The following ZNF782 variants were observed in gnomAD, a reference collection of about 807,000 sequenced individuals.
The protein encoded by ZNF782 is zinc finger protein 782.
A neutral mutation model predicts 13.0 loss-of-function variants in ZNF782; 12 were observed. The ratio of observed to expected loss-of-function variants is 0.92; its 90% CI spans 0.59 to 1.50. The LOEUF (loss-of-function observed/expected upper bound fraction) is 1.50. Among genes scored for constraint, ZNF782 ranks in the 40% most tolerant of loss-of-function variants. ZNF782 has a pLI of 0.00. For missense variants in ZNF782, 770 were observed against 822.9 expected, an observed-to-expected ratio of 0.94 and a Z score of 0.79; for synonymous variants, 284 against 283.0, an observed-to-expected ratio of 1.00 and a Z score of -0.04.
chr9:96,883,543 T>C, the ZNF782 span, among the ~76,000 whole-genome samples: 2 of 151,980 alleles, frequency 1.3e-5, no homozygotes, highest in East Asian at 3.9e-4. Context: ...CGGAGGAGAA[T>C]AAAGGCAGAA....
the ZNF782 span, among the ~76,000 whole-genome samples, chr9:96,930,333 G>A: frequency 6.6e-6 from 1 of 152,168 alleles, no homozygotes; most frequent in African/African-American, 2.4e-5. Flanking sequence ...AGACCAGCCT[G>A]ACCAATATGG....
Position 96,819,751 on chromosome 9 carries a change from T to G in ZNF782, c.272A>C (p.Glu91Ala). ...PEDSQPDEIS[E>A]KSPENQGKHL... ...TTTGCCTTGATTTTCTGGGCTCTTC[T>G]CTGAGATTTCATCAGGTTGGGAGTC... Residue 91 changes from glutamate to alanine, a missense_variant, in exon 6 of 6, where the codon GAG (glutamate) becomes GCG (alanine). Physicochemically the swap from Glu to Ala is moderately radical, Grantham distance 107 (BLOSUM62 -1). Coordinates refer to ENST00000481138, the MANE Select transcript of ZNF782 (RefSeq NM_001001662.3). 1 of 1,606,082 alleles carries G rather than the reference T, an allele frequency of 6.2e-7. No individual in the cohort carries two copies.
chr9:96,830,760 G>A (rs985134995), intron 4 of ZNF782, among the ~76,000 whole-genome samples: 2 of 152,128 alleles, frequency 1.3e-5, no homozygotes, highest in African/African-American at 4.8e-5. Context: ...CCAACACTGA[G>A]ATGGCATGGA....
the ZNF782 span, chr9:96,931,598 A>G: frequency 1.2e-6 from 1 of 804,198 alleles, no homozygotes; most frequent in South Asian, 1.7e-5. Context: ...ACACTCAGGG[A>G]CACTTGCAAG....
upstream of ZNF782, among the ~76,000 whole-genome samples, chr9:96,857,080 C>G (rs1163057545): frequency 6.6e-6 from 1 of 152,182 alleles, no homozygotes; most frequent in East Asian, 1.9e-4. Flanking sequence ...AACATTTGCT[C>G]ACTATCACAT....
chr9:96,845,096 T>C (rs1475078276), intron 3 of ZNF782, 80 bp from the exon 4 acceptor site: 2 of 1,553,910 alleles, frequency 1.3e-6, no homozygotes. Flanking sequence ...ACTCATTATG[T>C]TTACTGTTGA....
intron 1 of ZNF782, among the ~76,000 whole-genome samples, chr9:96,864,877 TA>T (rs35546553): frequency 4.5e-3 from 415 of 92,816 alleles, no homozygotes; most frequent in Middle Eastern, 0.02. Context: ...CAAAAAGAAC[TA>T]AAAAAAAAAA....
rs372411886 is a variant in ZNF782, at chr9:96,837,671, T to C, written c.142+7219A>G. ...TAATGTATGCGTTTATAGCTATACA[T>C]TTCCATCTTATTGTTGGTTTTACTG... On this transcript the variant is annotated intron_variant, in intron 4 of 5. Transcript: ENST00000481138. Among the ~76,000 whole-genome samples the C allele has an allele frequency of 4.6e-5, 7 of 152,354 alleles. No individual in the cohort carries two copies. In the South Asian group the frequency reaches 1.4e-3, roughly 32 times the overall value.
At chr9:96,834,267 G>A (rs1341887755) in intron 4 of ZNF782, among the ~76,000 whole-genome samples, 2 of 152,208 alleles carry the variant, frequency 1.3e-5, no homozygotes, top group African/African-American at 4.8e-5. Flanking sequence ...TGAGCTGATG[G>A]TTTTATAATG....
intron 2 of ZNF782, 66 bp from the exon 3 acceptor site, chr9:96,852,071 C>CA: frequency 1.9e-6 from 2 of 1,044,106 alleles, no homozygotes; most frequent in Non-Finnish European, 2.9e-6. Context: ...TTAGCCTCCC[C>CA]AAATCTCAGC....
chr9:96,876,709 G>GA (rs1230699194), upstream of ZNF782, among the ~76,000 whole-genome samples: 3 of 151,966 alleles, frequency 2.0e-5, no homozygotes, highest in Admixed American at 6.5e-5. Context: ...CGCAAAATAA[G>GA]AAAAAAATGG....
At chr9:96,901,474 G>A in the ZNF782 span, among the ~76,000 whole-genome samples, 3 of 151,342 alleles carry the variant, frequency 2.0e-5, no homozygotes, top group South Asian at 6.3e-4. Context: ...GTTTCATTAT[G>A]TTGGCCAGGC....
intron 1 of ZNF782, among the ~76,000 whole-genome samples, chr9:96,870,706 CTTTTA>C (rs1185942366): frequency 6.6e-6 from 1 of 152,110 alleles, no homozygotes; most frequent in Non-Finnish European, 1.5e-5. Context: ...TTTTCTGTTT[CTTTTA>C]TATTTTTCTT....
chr9:96,874,190 T>C (rs1306147990), intron 1 of ZNF782, among the ~76,000 whole-genome samples: 3 of 152,212 alleles, frequency 2.0e-5, no homozygotes, highest in Non-Finnish European at 4.4e-5. Flanking sequence ...TAAATGGCAC[T>C]GTGTTTGACT....
chr9:96,917,427 G>A, the ZNF782 span, among the ~76,000 whole-genome samples: 1 of 151,718 alleles, frequency 6.6e-6, no homozygotes, highest in Non-Finnish European at 1.5e-5. Context: ...ATGGAAATTC[G>A]TTTAGTAAAA....
intron 1 of ZNF782, among the ~76,000 whole-genome samples, chr9:96,868,201 A>C (rs1433302737): frequency 6.6e-6 from 1 of 152,218 alleles, no homozygotes; most frequent in Non-Finnish European, 1.5e-5. Context: ...CAGGCTTTCC[A>C]ATTTAGGAAT....
At chr9:96,930,878 T>G in the ZNF782 span, among the ~76,000 whole-genome samples, 2 of 58,798 alleles carry the variant, frequency 3.4e-5, no homozygotes, top group African/African-American at 2.3e-4. Context: ...AGTGGTTTTT[T>G]TTTTTTTTTT....
upstream of ZNF782, among the ~76,000 whole-genome samples, chr9:96,876,931 G>C (rs1370698917): frequency 1.9e-5 from 2 of 103,592 alleles, no homozygotes; most frequent in African/African-American, 7.9e-5. Flanking sequence ...GCTTGAACTC[G>C]GAACTCCGAC....
At chr9:96,827,457 G>A (rs1392370800) in intron 4 of ZNF782, among the ~76,000 whole-genome samples, 1 of 152,026 alleles carries the variant, frequency 6.6e-6, no homozygotes, top group Non-Finnish European at 1.5e-5. Context: ...AGCCTCCTGA[G>A]TAGCTGGGAC....
Sources: gnomAD v4.1 joint callset for allele counts (sites outside exome capture counted in the v4.1 genomes callset) on GRCh38, gnomAD v4.1.1 for gene constraint, MANE v1.5 for transcripts, NCBI Gene and HGNC (gene_info 2026-07-23, HGNC 2026-07-21) for gene names.